Variants in MTMR6 observed in about 807,000 individuals in gnomAD.
MTMR6 encodes phosphatidylinositol-3,5-bisphosphate 3-phosphatase MTMR6.
In MTMR6, 47 loss-of-function variants were observed where a neutral mutation model predicts 80.1. The ratio of observed to expected loss-of-function variants is 0.59; its 90% CI spans 0.46 to 0.75. The LOEUF (loss-of-function observed/expected upper bound fraction) is 0.75, where lower values mean the gene tolerates loss of function less well. Ranked by LOEUF, MTMR6 falls within the 30% of genes least tolerant of loss-of-function variation. The pLI, the probability that MTMR6 is intolerant of heterozygous loss-of-function variation, is 0.00. For missense variants in MTMR6, 629 were observed against 730.9 expected (o/e 0.86, Z 1.61); for synonymous variants, 254 against 253.0 (o/e 1.00, Z -0.04).
rs146172222 is a variant in MTMR6, at chr13:25,277,027, C to G, written c.25-2840G>C. 2.0e-4 allele frequency among the ~76,000 whole-genome samples: 31 copies of G among 152,318 alleles called. 1 individual carries two copies. The highest frequency in any genetic ancestry group is 8.3e-4 in the South Asian group (4 of 4,830). On this transcript the variant is annotated intron_variant, in intron 1 of 13. Coordinates refer to ENST00000381801, the MANE Select transcript of MTMR6 (RefSeq NM_004685.5). ...ATTCCCAAGCCAAAACACCTTCCCA[C>G]TATGCTATACTGCCTCCACTTAGAT...
Position 25,257,750 on chromosome 13 carries a change from T to C in MTMR6, c.955A>G (p.Ile319Val), listed in dbSNP as rs7995033. ...RHIKAVMDAA[I>V]FLAKAITVEN... ...TAAAGTATTACTTTGGCCAAGAAGA[T>C]TGCAGCATCCATAACAGCTTTGATA... is the stretch of plus-strand genomic sequence containing the variant. The change falls in exon 8 of 14, where the codon ATC becomes GTC. Residue 319 changes from isoleucine (I) to valine (V), a missense_variant. Physicochemically the swap from Ile to Val is conservative, Grantham distance 29. Coordinates refer to ENST00000381801, the MANE Select transcript of MTMR6 (RefSeq NM_004685.5). The C allele has an allele frequency of 0.77, 1,241,539 of 1,610,606 alleles. 498,503 individuals are homozygous for C. The highest frequency in any genetic ancestry group is 0.84 in the Non-Finnish European group (984,904 of 1,177,336).
At chr13:25,255,299 G>A (rs1957175943) in intron 9 of MTMR6, among the ~76,000 whole-genome samples, 1 of 152,182 alleles carries the variant, frequency 6.6e-6, no homozygotes, top group African/African-American at 2.4e-5. Context: ...CTTGTGGCTG[G>A]AGCCACAGAT....
intron 3 of MTMR6, among the ~76,000 whole-genome samples, chr13:25,267,468 C>T (rs1233670769): frequency 6.6e-6 from 1 of 152,048 alleles, no homozygotes. Context: ...TTGTGAAATA[C>T]CCACTTAAAA....
chr13:25,286,165 C>T (rs574299206), intron 1 of MTMR6, among the ~76,000 whole-genome samples: 1 of 151,880 alleles, frequency 6.6e-6, no homozygotes, highest in South Asian at 2.1e-4. Context: ...ACGGTATGCA[C>T]AATGTTAAAG....
At position 25,265,877 on chromosome 13, in the gene MTMR6, G is replaced by C. The variant is rs1404313743; in HGVS notation, c.533C>G (p.Ser178Cys). Residue 178 changes from serine to cysteine, a missense_variant, in exon 5 of 14, where the codon TCC (serine) becomes TGC (cysteine). Ser to Cys is a moderately radical substitution (Grantham distance 112). Transcript: ENST00000381801. ...IASKPIIVGS[S>C]KFRSKGRFPV... ...GAATCTTCCCTTGCTCCGGAACTTGGAACTACCAACAATTATTGGTTTGCT... is the reference window on the plus strand; with the variant it reads ...GAATCTTCCCTTGCTCCGGAACTTGCAACTACCAACAATTATTGGTTTGCT... 4 of 1,613,914 alleles carry C rather than the reference G, an allele frequency of 2.5e-6. No individual in the cohort carries two copies. In the African/African-American group the frequency reaches 5.3e-5, roughly 22 times the overall value.
rs1491106020 is a variant in MTMR6 at position 25,264,775 on chromosome 13, A to AAAAAAAAAG, written c.591+1043_591+1044insCTTTTTTTT. 2.9e-4 allele frequency among the ~76,000 whole-genome samples: 39 copies of AAAAAAAAAG among 133,718 alleles called. 2 individuals carry two copies. The South Asian group carries it at 4.1e-3, about 14-fold the overall frequency. The allele number at this position is 133,718 out of a possible 152,430, so 87.7% of individuals were successfully genotyped here. On this transcript the variant is annotated intron_variant, in intron 5 of 13. Transcript: ENST00000381801. ...TCTCAAAAAAAAAAAAAAAAAAAAA[A>AAAAAAAAAG]GAAATTTCAGAACACTGGGGAAAAA...
In MTMR6 at chr13:25,283,124, C is replaced by T. The variant is rs74575146; in HGVS notation, c.24+4100G>A. ...ACCACCTAAGCTTCTTCTATCCACC[C>T]CTCCTCTCTGTTCTTACTCACACTG... On this transcript the variant is annotated intron_variant, in intron 1 of 13. Transcript: ENST00000381801. Among the ~76,000 whole-genome samples the T allele has an allele frequency of 5.0e-3, 750 of 151,248 alleles. 34 individuals carry two copies. In the East Asian group the frequency reaches 0.095, roughly 19 times the overall value.
chr13:25,249,967 T>C (rs1957051903), intron 13 of MTMR6, among the ~76,000 whole-genome samples: 2 of 152,208 alleles, frequency 1.3e-5, no homozygotes, highest in Non-Finnish European at 2.9e-5. Context: ...AGAACTTTAC[T>C]TTTTTAACAG....
intron 1 of MTMR6, among the ~76,000 whole-genome samples, chr13:25,282,080 TCTAG>T (rs1442370108): frequency 6.6e-6 from 1 of 152,200 alleles, no homozygotes; most frequent in Non-Finnish European, 1.5e-5. Flanking sequence ...CTCACCCTGC[TCTAG>T]CTGTCTTGCT....
At chr13:25,264,571 A>G (rs936731827) in intron 5 of MTMR6, among the ~76,000 whole-genome samples, 2 of 151,786 alleles carry the variant, frequency 1.3e-5, no homozygotes, top group African/African-American at 4.8e-5. Context: ...ACTAGCCAAC[A>G]CGGTAAAACC....
intron 11 of MTMR6, among the ~76,000 whole-genome samples, chr13:25,253,095 T>A (rs1957124185): frequency 6.6e-6 from 1 of 152,044 alleles, no homozygotes; most frequent in South Asian, 2.1e-4. Context: ...ACTCCAGAGA[T>A]CTTCCTTACA....
intron 5 of MTMR6, among the ~76,000 whole-genome samples, chr13:25,265,013 T>TAC (rs1275025540): frequency 1.1e-4 from 16 of 152,144 alleles, no homozygotes; most frequent in Non-Finnish European, 2.2e-4. Context: ...TAACATACAG[T>TAC]ACCTCTTGGC....
intron 9 of MTMR6, among the ~76,000 whole-genome samples, chr13:25,256,212 T>A (rs7987768): frequency 0.018 from 2,785 of 152,304 alleles, 100 homozygotes; most frequent in African/African-American, 0.064. Flanking sequence ...GGTTATGCTT[T>A]GATTTACACT....
intron 2 of MTMR6, among the ~76,000 whole-genome samples, chr13:25,269,046 C>T (rs1268127497): frequency 6.6e-6 from 1 of 152,188 alleles, no homozygotes; most frequent in Non-Finnish European, 1.5e-5. Flanking sequence ...TGGGGCGGTA[C>T]TGACACACCA....
At chr13:25,284,633 T>TA (rs1047240273) in intron 1 of MTMR6, among the ~76,000 whole-genome samples, 2 of 152,226 alleles carry the variant, frequency 1.3e-5, no homozygotes, top group Non-Finnish European at 2.9e-5. Flanking sequence ...CTAATAAATC[T>TA]AAAACAATCC....
At chr13:25,271,062 G>A (rs1957563586) in intron 2 of MTMR6, among the ~76,000 whole-genome samples, 3 of 152,048 alleles carry the variant, frequency 2.0e-5, no homozygotes, top group Admixed American at 2.0e-4. Flanking sequence ...AAGCTCGAAA[G>A]TTACATACTT....
At position 25,287,301 on chromosome 13, in the gene MTMR6, GA is replaced by G; in HGVS notation, c.-55del. On this transcript the variant is annotated 5_prime_UTR_variant, in exon 1 of 14. Transcript: ENST00000381801. Reference sequence around the variant, plus strand: ...CTCACAGGCGTACCATACGGCTACAGAAACAGGGCGGTGACAGCGACAGAGA... The same window carrying G: ...CTCACAGGCGTACCATACGGCTACAGAACAGGGCGGTGACAGCGACAGAGA... The G allele has an allele frequency of 6.4e-7, 1 of 1,562,622 alleles. No individual in the cohort carries two copies. The highest frequency in any genetic ancestry group is 8.6e-7 in the Non-Finnish European group (1 of 1,157,548).
At chr13:25,281,413 A>G (rs565050543) in intron 1 of MTMR6, among the ~76,000 whole-genome samples, 1 of 152,022 alleles carries the variant, frequency 6.6e-6, no homozygotes, top group South Asian at 2.1e-4. Context: ...GAGGAAAGGA[A>G]AAGGAAGGAA....
At chr13:25,287,177 G>T in intron 1 of MTMR6, 47 bp downstream of exon 1, 1 of 1,575,644 alleles carries the variant, frequency 6.3e-7, no homozygotes, top group East Asian at 2.3e-5. Context: ...TGCCTCAGCC[G>T]GGTCAGAGCA....
Sources: allele counts gnomAD v4.1 joint callset (sites outside exome capture counted in the v4.1 genomes callset), GRCh38; gene constraint gnomAD v4.1.1; transcripts MANE v1.5; gene names NCBI Gene and HGNC (gene_info 2026-07-23, HGNC 2026-07-21).